Variants in KIAA1210 observed in about 807,000 individuals in gnomAD.
The protein encoded by KIAA1210 is acrosomal protein KIAA1210.
A neutral mutation model predicts 78.9 loss-of-function variants in KIAA1210; 48 were observed. That is an observed-to-expected ratio of 0.61 (90% CI 0.48 to 0.77). KIAA1210 has a LOEUF of 0.77. Ranked by LOEUF, KIAA1210 falls within the 30% of genes least tolerant of loss-of-function variation. KIAA1210 has a pLI of 0.00. For synonymous variants in KIAA1210, 406 were observed against 404.5 expected (o/e 1.00, Z -0.04); for missense variants, 1,108 against 1,100.0 (o/e 1.01, Z -0.10).
intron 3 of KIAA1210, among the ~76,000 whole-genome samples, chrX:119,111,860 A>G (rs1415113705): frequency 8.9e-6 from 1 of 111,848 alleles, no homozygotes; most frequent in Non-Finnish European, 1.9e-5. Context: ...TGGATTTGGC[A>G]ATGGATTTTT....
At chrX:119,083,998 C>CAAAAAA (rs751363845) in intron 10 of KIAA1210, among the ~76,000 whole-genome samples, 2 of 16,965 alleles carry the variant, frequency 1.2e-4, no homozygotes, top group African/African-American at 3.4e-4. Context: ...GAACCTGTCT[C>CAAAAAA]AAAAAAAAAA....
At chrX:119,114,545 G>T (rs978213959) in intron 3 of KIAA1210, among the ~76,000 whole-genome samples, 36 of 112,172 alleles carry the variant, frequency 3.2e-4, no homozygotes, top group African/African-American at 1.2e-3. Context: ...CATATAACAC[G>T]CTTTCATTCA....
chrX:119,143,891 C>T (rs1169367019), intron 2 of KIAA1210, among the ~76,000 whole-genome samples: 1 of 112,350 alleles, frequency 8.9e-6, no homozygotes, highest in Non-Finnish European at 1.9e-5. Context: ...AGGCATTCAC[C>T]CATGGCCACA....
In KIAA1210 at chrX:119,086,987, A is replaced by G; in HGVS notation, c.3715T>C (p.Ser1239Pro). ...AIKTKKFSQG[S>P]KNPIKSIPAP... is the part of the protein sequence containing the mutation. ...GGAATGCTCTTTATGGGGTTTTTGG[A>G]ACCTTGGCTGAATTTCTTGGTTTTG... Residue 1239 changes from serine (S) to proline (P), a missense_variant, in exon 9 of 12, where the codon TCC becomes CCC. Physicochemically the swap from Ser to Pro is moderately conservative, Grantham distance 74. This residue lies in a region of KIAA1210 where 245 missense variants were observed against 278.8 expected (regional missense o/e 0.88). Coordinates refer to ENST00000691062, the MANE Select transcript of KIAA1210 (RefSeq NM_001394962.1). The G allele has an allele frequency of 8.3e-7, 1 of 1,211,288 alleles. No homozygotes were observed. Among genetic ancestry groups the G allele is most frequent in the South Asian group, 1.8e-5 (1 of 56,951 alleles).
At chrX:119,142,519 T>G (rs1275354214) in intron 2 of KIAA1210, among the ~76,000 whole-genome samples, 2 of 110,868 alleles carry the variant, frequency 1.8e-5, no homozygotes, top group Non-Finnish European at 3.8e-5. Flanking sequence ...GCCTCACACC[T>G]GTAATCCCAG....
At chrX:119,099,252 C>T (rs960251211) in intron 6 of KIAA1210, among the ~76,000 whole-genome samples, 2 of 112,706 alleles carry the variant, frequency 1.8e-5, no homozygotes, top group Non-Finnish European at 3.7e-5. Flanking sequence ...TAGTGAAACT[C>T]ATTCTATAGC....
chrX:119,089,441 G>T lies in KIAA1210; in HGVS notation c.1261C>A (p.Pro421Thr). ...LSLEKDNMEQ[P>T]TTSQPETTTP... Reference sequence around the variant, plus strand: ...GTGGTTTCTGGTTGTGAAGTTGTAGGCTGCTCCATGTTGTCCTTCTCTAAG... The same window carrying T: ...GTGGTTTCTGGTTGTGAAGTTGTAGTCTGCTCCATGTTGTCCTTCTCTAAG... Residue 421 changes from proline (P) to threonine (T), a missense_variant, in exon 9 of 12, where the codon CCT becomes ACT. Transcript: ENST00000691062. 8.3e-7 allele frequency: 1 copy of T among 1,211,761 alleles called. No homozygotes were observed. Among genetic ancestry groups the T allele is most frequent in the Non-Finnish European group, 1.1e-6 (1 of 895,455 alleles).
At position 119,125,731 on chromosome X, in the gene KIAA1210, ATATATTTT is replaced by A. The variant is rs1337367731; in HGVS notation, c.-11+1988_-11+1995del. ...AGCTAATACATATATATATATATAT[ATATATTTT>A]TTTTTTTTTTTTTTTGGAGAGATGG... On this transcript the variant is annotated intron_variant, in intron 1 of 11. Transcript: ENST00000691062. Among the ~76,000 whole-genome samples the A allele has an allele frequency of 9.2e-4, 7 of 7,618 alleles. 1 individual carries two copies. The highest frequency in any genetic ancestry group is 1.2e-3 in the African/African-American group (6 of 5,145). 6.6% of individuals were successfully genotyped at this position (7,618 alleles called of 115,157 possible). A position where few individuals can be genotyped will look rare whatever the true frequency, so the allele number is the denominator to read the frequency against.
At chrX:119,094,245 C>T in intron 7 of KIAA1210, 1 of 409,974 alleles carries the variant, frequency 2.4e-6, no homozygotes, top group Non-Finnish European at 4.2e-6. Flanking sequence ...TATCTCTTTC[C>T]AGATCAAAAG....
rs901590496 is a variant in KIAA1210 at position 119,079,730 on chromosome X, T to G, written c.*1599A>C. 2.7e-5 allele frequency: 3 copies of G among 111,746 alleles called. No homozygotes were observed. The highest frequency in any genetic ancestry group is 6.5e-5 in the African/African-American group (2 of 30,716). 9.2% of individuals were successfully genotyped at this position (111,746 alleles called of 1,213,427 possible). ...TCTTTCTCACTCTCCCTTTTTGGTCTTCCCTCTTCTCCGTGGCTGGGGGAT... is the reference window on the plus strand; with the variant it reads ...TCTTTCTCACTCTCCCTTTTTGGTCGTCCCTCTTCTCCGTGGCTGGGGGAT... On this transcript the variant is annotated 3_prime_UTR_variant, in exon 12 of 12. Transcript: ENST00000691062.
chrX:119,107,738 T>C (rs759980923), intron 5 of KIAA1210, among the ~76,000 whole-genome samples: 13 of 111,944 alleles, frequency 1.2e-4, no homozygotes, highest in Non-Finnish European at 2.4e-4. Context: ...ATCTCTCCAA[T>C]GGAGAAGGGT....
At chrX:119,108,980 A>C in intron 4 of KIAA1210, 96 bp downstream of exon 4, 1 of 960,124 alleles carries the variant, frequency 1.0e-6, no homozygotes, top group Non-Finnish European at 1.5e-6. Context: ...TGAGAAGCAG[A>C]ACCAAGTTCC....
chrX:119,082,940 T>G, intron 11 of KIAA1210, 75 bp downstream of exon 11: 5 of 645,832 alleles, frequency 7.7e-6, no homozygotes, highest in East Asian at 3.3e-5. Context: ...AAGTATTATC[T>G]GAGCTTGAAA....
intron 8 of KIAA1210, among the ~76,000 whole-genome samples, chrX:119,093,218 A>G (rs1009501057): frequency 1.8e-5 from 2 of 112,093 alleles, no homozygotes; most frequent in African/African-American, 6.5e-5. Flanking sequence ...TTTTCTCTCT[A>G]CAGGAAGAGA....
intron 2 of KIAA1210, among the ~76,000 whole-genome samples, chrX:119,136,663 C>CA (rs994435862): frequency 9.1e-6 from 1 of 109,527 alleles, no homozygotes; most frequent in African/African-American, 3.3e-5. Flanking sequence ...CCCATCTCTA[C>CA]AAAAAAAAAT....
rs112327667 is a variant in KIAA1210 at position 119,085,296 on chromosome X, T to G, written c.4320+87A>C. The G allele has an allele frequency of 1.9e-4, 165 of 858,318 alleles. 1 individual carries two copies. In the African/African-American group the frequency reaches 2.6e-3, roughly 14 times the overall value. The allele number at this position is 858,318 out of a possible 1,213,427, so 70.7% of individuals were successfully genotyped here. A position where few individuals can be genotyped will look rare whatever the true frequency, so the allele number is the denominator to read the frequency against. ...TAATGTTCCCAAAGAGAGGGGGAGC[T>G]GCATGTTGGCAAAGTTCCCAATAGA... On this transcript the variant is annotated intron_variant, in intron 10 of 11. Transcript: ENST00000691062.
At position 119,088,382 on chromosome X, in the gene KIAA1210, G is replaced by C. The variant is rs1235212541; in HGVS notation, c.2320C>G (p.Pro774Ala). 5.0e-6 allele frequency: 6 copies of C among 1,211,047 alleles called. No individual in the cohort carries two copies. The highest frequency in any genetic ancestry group is 6.7e-6 in the Non-Finnish European group (6 of 895,240). Residue 774 changes from proline (P) to alanine (A), a missense_variant, in exon 9 of 12, where the codon CCT becomes GCT. Around this residue, in one of 5 missense-constraint regions of KIAA1210, gnomAD observed 672 missense variants for 607.1 expected, o/e 1.11. Coordinates refer to ENST00000691062, the MANE Select transcript of KIAA1210 (RefSeq NM_001394962.1). ...DSVEPIPPRH[P>A]FQPWVNPKVE... is the part of the protein sequence containing the mutation. ...TTAGGGTTCACCCATGGCTGGAAAG[G>C]GTGTCTTGGAGGGATTGGCTCCACG...
At chrX:119,116,406 C>T in intron 3 of KIAA1210, 90 bp downstream of exon 3, 1 of 922,621 alleles carries the variant, frequency 1.1e-6, no homozygotes, top group Non-Finnish European at 1.5e-6. Flanking sequence ...CTCTTGGTGT[C>T]CCTGGTGATT....
intron 6 of KIAA1210, 71 bp downstream of exon 6, chrX:119,104,921 T>C: frequency 1.0e-6 from 1 of 998,493 alleles, no homozygotes; most frequent in Non-Finnish European, 1.4e-6. Context: ...AGCGGGAGAA[T>C]AGATGATACA....
Sources: gnomAD v4.1 joint callset for allele counts (sites outside exome capture counted in the v4.1 genomes callset) on GRCh38, gnomAD v4.1.1 for gene constraint, gnomAD v4.1.1 regional missense constraint, MANE v1.5 for transcripts, NCBI Gene and HGNC (gene_info 2026-07-23, HGNC 2026-07-21) for gene names.